The following COL4A3 variants were observed in gnomAD, a reference collection of about 807,000 sequenced individuals.
The protein encoded by COL4A3 is collagen alpha-3(IV) chain.
COL4A3 carries 135 observed loss-of-function variants against 217.4 expected under a neutral mutation model. The ratio of observed to expected loss-of-function variants is 0.62; its 90% CI spans 0.54 to 0.72. The LOEUF is 0.72. COL4A3 is among the 30% of genes least tolerant of loss of function. COL4A3 has a pLI of 0.00. For missense variants in COL4A3, 1,868 were observed against 2,119.9 expected (o/e 0.88, Z 2.33); for synonymous variants, 690 against 736.3 (o/e 0.94, Z 1.02).
intron 8 of COL4A3, 77 bp downstream of exon 8, chr2:227,247,661 CTT>C: frequency 7.4e-6 from 10 of 1,346,626 alleles, no homozygotes; most frequent in South Asian, 2.3e-5. Context: ...AATAATGAGA[CTT>C]AAGTCATTAC....
chr2:227,254,230 T>C, intron 14 of COL4A3, 56 bp downstream of exon 14: 1 of 1,479,466 alleles, frequency 6.8e-7, no homozygotes. Context: ...GCCTTAGTAT[T>C]TACTTTGATG....
Position 227,203,221 on chromosome 2 carries a change from A to G in COL4A3, c.88-34747A>G, listed in dbSNP as rs181039086. 3.9e-3 allele frequency among the ~76,000 whole-genome samples: 90 copies of G among 23,266 alleles called. 34 individuals are homozygous for G. The highest frequency in any genetic ancestry group is 0.014 in the Admixed American group (24 of 1,682). 15.3% of individuals were successfully genotyped at this position (23,266 alleles called of 152,430 possible). A position where few individuals can be genotyped will look rare whatever the true frequency, so the allele number is the denominator to read the frequency against. On this transcript the variant is annotated intron_variant, in intron 1 of 51. Coordinates refer to ENST00000396578, the MANE Select transcript of COL4A3 (RefSeq NM_000091.5). ...CATATATGTGTATATACACACATATATGTGTATATATGTGTATATATACAT... is the reference window on the plus strand; with the variant it reads ...CATATATGTGTATATACACACATATGTGTGTATATATGTGTATATATACAT...
chr2:227,167,337 T>C (rs979626634), intron 1 of COL4A3, among the ~76,000 whole-genome samples: 3 of 152,240 alleles, frequency 2.0e-5, no homozygotes, highest in African/African-American at 7.2e-5. Context: ...TGGACTGATG[T>C]GCCGAGAATT....
intron 1 of COL4A3, among the ~76,000 whole-genome samples, chr2:227,169,413 G>A (rs2065397750): frequency 6.6e-6 from 1 of 150,630 alleles, no homozygotes. Flanking sequence ...CCCAGTAATG[G>A]GATGGCTGGG....
chr2:227,305,835 C>T (rs984715739), intron 47 of COL4A3, among the ~76,000 whole-genome samples: 1 of 152,156 alleles, frequency 6.6e-6, no homozygotes, highest in African/African-American at 2.4e-5. Flanking sequence ...CTGGAAACTA[C>T]CTCGATATCC....
chr2:227,265,127 A>G (rs1254999429), intron 21 of COL4A3: 8 of 152,240 alleles, frequency 5.3e-5, no homozygotes, highest in African/African-American at 1.9e-4. Context: ...AGTATGTAGC[A>G]TGGGGAACAC....
At chr2:227,223,032 TTC>T (rs1464228949) in intron 1 of COL4A3, among the ~76,000 whole-genome samples, 1 of 152,256 alleles carries the variant, frequency 6.6e-6, no homozygotes, top group Non-Finnish European at 1.5e-5. Context: ...TACAAATAAC[TTC>T]TGTTTTATTT....
chr2:227,173,269 A>AAAACCT (rs1665787697), intron 1 of COL4A3, among the ~76,000 whole-genome samples: 1 of 152,230 alleles, frequency 6.6e-6, no homozygotes, highest in Non-Finnish European at 1.5e-5. Context: ...ACTATTAATA[A>AAAACCT]AAACCTTTTG....
intron 1 of COL4A3, among the ~76,000 whole-genome samples, chr2:227,179,799 A>T (rs1577037860): frequency 2.6e-5 from 4 of 152,224 alleles, no homozygotes. Context: ...ATGGGCTTAG[A>T]TACGTGTGCA....
chr2:227,228,964 C>T (rs1347795886), intron 1 of COL4A3, among the ~76,000 whole-genome samples: 4 of 152,260 alleles, frequency 2.6e-5, no homozygotes, highest in Admixed American at 2.0e-4. Context: ...CTTCTAAGGG[C>T]TTACCTGTGC....
chr2:227,308,777 C>G (rs1435725019), intron 48 of COL4A3, 122 bp from the exon 49 acceptor site: 10 of 1,044,920 alleles, frequency 9.6e-6, no homozygotes, highest in Non-Finnish European at 1.5e-5. Context: ...GCAGATAACT[C>G]TTTTGTGTTG....
At chr2:227,305,886 G>C (rs1206432515) in intron 47 of COL4A3, among the ~76,000 whole-genome samples, 1 of 152,046 alleles carries the variant, frequency 6.6e-6, no homozygotes, top group African/African-American at 2.4e-5. Flanking sequence ...GTTAAAGCAA[G>C]AAAAAATTCT....
intron 1 of COL4A3, among the ~76,000 whole-genome samples, chr2:227,189,484 T>C (rs556992221): frequency 6.6e-5 from 10 of 152,294 alleles, no homozygotes; most frequent in African/African-American, 2.4e-4. Flanking sequence ...TGGTGATGAC[T>C]GATAGATGAC....
At chr2:227,171,913 C>T (rs906140457) in intron 1 of COL4A3, among the ~76,000 whole-genome samples, 5 of 152,184 alleles carry the variant, frequency 3.3e-5, no homozygotes, top group African/African-American at 1.2e-4. Context: ...CGTTGGCATA[C>T]TTCTGGGGTC....
At chr2:227,212,009 C>T (rs1321895434) in intron 1 of COL4A3, among the ~76,000 whole-genome samples, 1 of 152,014 alleles carries the variant, frequency 6.6e-6, no homozygotes, top group Non-Finnish European at 1.5e-5. Context: ...TTAGCTTTTG[C>T]CAAAATGATG....
chr2:227,177,319 T>C (rs1366086721), intron 1 of COL4A3, among the ~76,000 whole-genome samples: 6 of 151,764 alleles, frequency 4.0e-5, no homozygotes, highest in Admixed American at 2.6e-4. Context: ...CCGGCTAATT[T>C]TTTTTTTTCG....
intron 1 of COL4A3, among the ~76,000 whole-genome samples, chr2:227,180,128 C>T (rs550941135): frequency 3.9e-5 from 6 of 152,182 alleles, no homozygotes; most frequent in South Asian, 2.1e-4. Flanking sequence ...CCCTTGTCAG[C>T]GATTAGTAGC....
intron 1 of COL4A3, among the ~76,000 whole-genome samples, chr2:227,169,926 A>G (rs1457656933): frequency 2.6e-5 from 4 of 152,148 alleles, no homozygotes. Context: ...TATTAAATCT[A>G]TGTCTGGTAG....
At chr2:227,237,662 G>A (rs2068776235) in intron 1 of COL4A3, 1 of 316,032 alleles carries the variant, frequency 3.2e-6, no homozygotes, top group African/African-American at 2.2e-5. Context: ...TATTAGGTTG[G>A]TACAAAGGTA....
Sources: allele counts gnomAD v4.1 joint callset (sites outside exome capture counted in the v4.1 genomes callset), GRCh38; gene constraint gnomAD v4.1.1; transcripts MANE v1.5; gene names NCBI Gene and HGNC (gene_info 2026-07-23, HGNC 2026-07-21).